The following LCTL variants were observed in gnomAD, a reference collection of about 807,000 sequenced individuals.
LCTL encodes lactase like.
LCTL carries 76 observed loss-of-function variants against 75.8 expected under a neutral mutation model. That is an observed-to-expected ratio of 1.00 (90% CI 0.83 to 1.21). LCTL has a LOEUF of 1.21. Among genes scored for constraint, LCTL ranks in the 50% most tolerant of loss-of-function variants. The pLI, the probability that LCTL is intolerant of heterozygous loss-of-function variation, is 0.00. For missense variants in LCTL, 670 were observed against 712.4 expected, an observed-to-expected ratio of 0.94 and a Z score of 0.68; for synonymous variants, 271 against 268.8, an observed-to-expected ratio of 1.01 and a Z score of -0.08.
At chr15:66,564,555 G>A in intron 2 of LCTL, 121 bp downstream of exon 3, 2 of 1,186,474 alleles carry the variant, frequency 1.7e-6, no homozygotes, top group Non-Finnish European at 2.3e-6. Flanking sequence ...GTTTGGCAGA[G>A]CATGGGGATG....
intron 6 of LCTL, among the ~76,000 whole-genome samples, chr15:66,560,103 G>A (rs1191529671): frequency 6.6e-6 from 1 of 152,010 alleles, no homozygotes; most frequent in Non-Finnish European, 1.5e-5. Flanking sequence ...AAAAAATCTT[G>A]AGAGCTCTGC....
intron 2 of LCTL, chr15:66,564,326 G>A (rs1233783485): frequency 6.3e-6 from 3 of 478,678 alleles, no homozygotes; most frequent in Non-Finnish European, 1.1e-5. Flanking sequence ...CCCTCCACAG[G>A]GTGCAACTGA....
At chr15:66,558,688 T>TGTGTG (rs530339334) in intron 6 of LCTL, among the ~76,000 whole-genome samples, 1 of 27,088 alleles carries the variant, frequency 3.7e-5, no homozygotes, top group African/African-American at 8.2e-5. Context: ...TGTGTGTGTG[T>TGTGTG]TTTTTTTTTT....
At chr15:66,561,080 C>T (rs1298076777) in exon 6 of LCTL, 2 of 1,614,108 alleles carry the variant, frequency 1.2e-6, no homozygotes, top group African/African-American at 2.7e-5. Flanking sequence ...TGGCCCGTCT[C>T]ATAGCCTTTT....
At chr15:66,563,965 T>C in exon 3 of LCTL, 1 of 1,614,060 alleles carries the variant, frequency 6.2e-7, no homozygotes, top group Non-Finnish European at 8.5e-7. Flanking sequence ...CGGTAGTGGT[T>C]GACGTGCAGT....
exon 11 of LCTL, chr15:66,551,820 A>C: frequency 6.2e-7 from 1 of 1,613,894 alleles, no homozygotes; most frequent in African/African-American, 1.3e-5. Flanking sequence ...TCCAACAGAG[A>C]CCAGGAAGTA....
chr15:66,562,885 C>T (rs1895926574), intron 4 of LCTL, among the ~76,000 whole-genome samples: 2 of 152,120 alleles, frequency 1.3e-5, no homozygotes, highest in African/African-American at 2.4e-5. Flanking sequence ...TGCCTGGCTG[C>T]CAGATCTTAG....
rs751648370 is a variant in LCTL, at chr15:66,557,938, G to A, written c.760+44C>T. On this transcript the variant is annotated intron_variant, in intron 7 of 12. Coordinates refer to ENST00000341509, the Ensembl canonical transcript of LCTL. ...GGAGTGGGCATGCCATTGCTGCTCC[G>A]GGCACTTGGCTGTCCTGGGTACATG... 46 of 1,608,352 alleles carry A rather than the reference G, an allele frequency of 2.9e-5. 1 individual carries two copies. The highest frequency in any genetic ancestry group is 2.4e-4 in the South Asian group (22 of 90,710).
At chr15:66,550,001 T>A (rs1895536617) in intron 12 of LCTL, 40 bp downstream of exon 13, 1 of 1,370,854 alleles carries the variant, frequency 7.3e-7, no homozygotes, top group Admixed American at 2.2e-5. Flanking sequence ...AATTATTTAG[T>A]TTAATTATTA....
At chr15:66,565,728 T>G, upstream of LCTL, 1 of 213,316 alleles carries the variant, frequency 4.7e-6, no homozygotes, top group Non-Finnish European at 9.1e-6. Context: ...ACAGGGCCCT[T>G]TGGCTCTCCC....
chr15:66,557,260 A>G (rs1267637560), intron 8 of LCTL, among the ~76,000 whole-genome samples: 1 of 152,162 alleles, frequency 6.6e-6, no homozygotes, highest in Non-Finnish European at 1.5e-5. Flanking sequence ...GCAGTTAAAA[A>G]CATCCAAATT....
chr15:66,565,273 G>A, exon 1 of LCTL: 1 of 1,613,104 alleles, frequency 6.2e-7, no homozygotes, highest in East Asian at 2.2e-5. Flanking sequence ...CATAGTAGAA[G>A]GAGGCCTCTT....
At chr15:66,549,836 A>G (rs1216738645) in intron 12 of LCTL, 5 of 417,658 alleles carry the variant, frequency 1.2e-5, no homozygotes, top group Non-Finnish European at 4.3e-6. Flanking sequence ...TAAAATGGAT[A>G]AAATGTTTAT....
intron 4 of LCTL, 39 bp from the exon 6 acceptor site, chr15:66,561,354 G>C: frequency 6.2e-7 from 1 of 1,612,786 alleles, no homozygotes; most frequent in South Asian, 1.1e-5. Context: ...TGAATGAACC[G>C]CAAAGCGGTT....
exon 6 of LCTL, chr15:66,561,029 T>C (rs1354128734): frequency 1.9e-6 from 3 of 1,614,160 alleles, no homozygotes; most frequent in Non-Finnish European, 2.5e-6. Flanking sequence ...TGTGCTGCCT[T>C]GTACAGGCCG....
chr15:66,553,878 G>A (rs1222819185), intron 8 of LCTL, among the ~76,000 whole-genome samples: 2 of 152,090 alleles, frequency 1.3e-5, no homozygotes, highest in African/African-American at 4.8e-5. Flanking sequence ...TAATTTGGCC[G>A]GGTGCAATGG....
intron 7 of LCTL, 25 bp downstream of exon 8, chr15:66,557,957 G>A: frequency 6.2e-7 from 1 of 1,607,506 alleles, no homozygotes. Context: ...GCTGTCCTGG[G>A]TACATGTGTG....
intron 6 of LCTL, among the ~76,000 whole-genome samples, chr15:66,558,687 G>GTTTTTTTTTTTTTTTTTTTTTT (rs11354993): frequency 1.0e-5 from 1 of 97,562 alleles, no homozygotes; most frequent in Admixed American, 1.1e-4. Context: ...GTGTGTGTGT[G>GTTTTTTTTTTTTTTTTTTTTTT]TTTTTTTTTT....
rs994357933 is a variant in LCTL at position 66,564,207 on chromosome 15, G to A, written c.283-209C>T. On this transcript the variant is annotated intron_variant, in intron 2 of 12. Transcript: ENST00000341509. Reference sequence around the variant, plus strand: ...AGAGTCAAAGAAAACGCAGGACAGGGAGGCACTGAGAGAAGTCCATCAGGG... The same window carrying A: ...AGAGTCAAAGAAAACGCAGGACAGGAAGGCACTGAGAGAAGTCCATCAGGG... 4 of 585,732 alleles carry A rather than the reference G, an allele frequency of 6.8e-6. No homozygotes were observed. In the East Asian group the frequency reaches 1.1e-4, roughly 17 times the overall value. The allele number at this position is 585,732 out of a possible 1,614,324, so 36.3% of individuals were successfully genotyped here.
Sources: gnomAD v4.1 joint callset for allele counts (sites outside exome capture counted in the v4.1 genomes callset) on GRCh38, gnomAD v4.1.1 for gene constraint, MANE v1.5 for transcripts, NCBI Gene and HGNC (gene_info 2026-07-23, HGNC 2026-07-21) for gene names.